Variants in ZNF638 observed in about 807,000 individuals in gnomAD.
The protein encoded by ZNF638 is zinc finger protein 638, also known as CTCL tumor antigen se33-1.
In ZNF638, 46 loss-of-function variants were observed where a neutral mutation model predicts 195.6. The ratio of observed to expected loss-of-function variants is 0.24; its 90% CI spans 0.19 to 0.30. The LOEUF is 0.30. ZNF638 is among the 10% of genes least tolerant of loss of function. The pLI, the probability that ZNF638 is intolerant of heterozygous loss-of-function variation, is 1.00. For missense variants in ZNF638, 2,440 were observed against 2,325.3 expected, an observed-to-expected ratio of 1.05 and a Z score of -1.01; for synonymous variants, 845 against 772.0, an observed-to-expected ratio of 1.09 and a Z score of -1.57.
intron 8 of ZNF638, among the ~76,000 whole-genome samples, chr2:71,374,255 A>G (rs2079376053): frequency 6.6e-6 from 1 of 152,256 alleles, no homozygotes; most frequent in African/African-American, 2.4e-5. Flanking sequence ...GGAGCCAGTT[A>G]GCCTCAACAC....
At chr2:71,332,995 A>AT (rs1182129552) in intron 1 of ZNF638, 1 of 152,042 alleles carries the variant, frequency 6.6e-6, no homozygotes, top group Admixed American at 6.6e-5. Flanking sequence ...GTAAAGGATT[A>AT]TTTTTTCAGG....
At chr2:71,335,263 ACTC>A (rs1348109211) in intron 1 of ZNF638, among the ~76,000 whole-genome samples, 2 of 151,852 alleles carry the variant, frequency 1.3e-5, no homozygotes, top group African/African-American at 4.8e-5. Context: ...CTGGTCTCAA[ACTC>A]CTGGACTCAA....
chr2:71,434,715 T>C (rs766848864), intron 27 of ZNF638, 27 bp from the exon 28 acceptor site: 2 of 1,587,188 alleles, frequency 1.3e-6, no homozygotes, highest in Admixed American at 3.4e-5. Flanking sequence ...CTAATAAGTA[T>C]TTTATATTGC....
At chr2:71,340,696 G>A (rs944521895) in intron 1 of ZNF638, among the ~76,000 whole-genome samples, 9 of 151,842 alleles carry the variant, frequency 5.9e-5, no homozygotes, top group East Asian at 1.9e-4. Context: ...TTTGGGGGGC[G>A]GATTTTGAAA....
chr2:71,419,917 A>G (rs887038328), intron 21 of ZNF638, among the ~76,000 whole-genome samples: 5 of 148,554 alleles, frequency 3.4e-5, no homozygotes, highest in African/African-American at 1.2e-4. Context: ...ATTCAACCTC[A>G]TAAAACTAAT....
chr2:71,378,898 T>G (rs2079484718), intron 8 of ZNF638, among the ~76,000 whole-genome samples: 1 of 151,890 alleles, frequency 6.6e-6, no homozygotes, highest in Non-Finnish European at 1.5e-5. Flanking sequence ...GGGGATGGAG[T>G]GAAGAAGTAT....
At chr2:71,417,252 G>A (rs1361411501) in intron 20 of ZNF638, among the ~76,000 whole-genome samples, 3 of 151,326 alleles carry the variant, frequency 2.0e-5, no homozygotes, top group East Asian at 3.9e-4. Flanking sequence ...AGGTGCGTCC[G>A]TCACCCCTTT....
chr2:71,369,335 A>AG (rs1416524403), intron 7 of ZNF638, among the ~76,000 whole-genome samples: 2 of 151,922 alleles, frequency 1.3e-5, no homozygotes, highest in Admixed American at 1.3e-4. Flanking sequence ...AAAAAAAAAA[A>AG]AAAAAAAGTT....
At position 71,434,792 on chromosome 2, in the gene ZNF638, A is replaced by G. The variant is rs768261513; in HGVS notation, c.5922A>G (p.Glu1974=). ...AAAAGGAGCAGAATGAGGCTGAAGAAAGAAGCTCTAGGTGATTGGGGGAAA... is the reference window on the plus strand; with the variant it reads ...AAAAGGAGCAGAATGAGGCTGAAGAGAGAAGCTCTAGGTGATTGGGGGAAA... ...RKEKEQNEAE[E]RSSR The change falls in exon 28 of 28, where the codon GAA becomes GAG. Residue 1974 remains glutamate, a synonymous_variant. Coordinates refer to ENST00000264447, the MANE Select transcript of ZNF638 (RefSeq NM_014497.5). The G allele has an allele frequency of 2.5e-6, 4 of 1,610,524 alleles. No homozygotes were observed. The highest frequency in any genetic ancestry group is 3.4e-6 in the Non-Finnish European group (4 of 1,179,028).
chr2:71,335,818 A>G (rs951568328), intron 1 of ZNF638, among the ~76,000 whole-genome samples: 1 of 152,234 alleles, frequency 6.6e-6, no homozygotes, highest in East Asian at 1.9e-4. Flanking sequence ...ATATTCAGAC[A>G]GATATCAAAT....
chr2:71,351,377 G>A (rs1273576190), intron 2 of ZNF638, among the ~76,000 whole-genome samples: 3 of 152,168 alleles, frequency 2.0e-5, no homozygotes, highest in Admixed American at 1.3e-4. Context: ...TTAGCCAGAT[G>A]TGCCAAATTC....
chr2:71,402,017 A>G lies in ZNF638; in HGVS notation c.2759A>G (p.Glu920Gly), dbSNP rs2080017038. ...SNLPNKGYSV[E>G]EVYDLAKPFG... ...TTGCCTAATAAAGGATATTCTGTAGAAGAAGTTTATGACTTAGCAAAACCA... is the reference window on the plus strand; with the variant it reads ...TTGCCTAATAAAGGATATTCTGTAGGAGAAGTTTATGACTTAGCAAAACCA... The change falls in exon 16 of 28, where the codon GAA (glutamate) becomes GGA (glycine). Residue 920 changes from glutamate (E) to glycine (G), a missense_variant. Glu to Gly is a moderately conservative substitution (Grantham distance 98). This residue lies in a region of ZNF638 where 1,883 missense variants were observed against 1,739.1 expected (regional missense o/e 1.08). Coordinates refer to ENST00000264447, the MANE Select transcript of ZNF638 (RefSeq NM_014497.5). 1.9e-6 allele frequency: 3 copies of G among 1,609,194 alleles called. No homozygotes were observed. The highest frequency in any genetic ancestry group is 2.5e-6 in the Non-Finnish European group (3 of 1,177,402).
At chr2:71,408,094 A>G (rs761886949) in intron 19 of ZNF638, 28 bp from the exon 20 acceptor site, 99 of 1,597,462 alleles carry the variant, frequency 6.2e-5, no homozygotes, top group Non-Finnish European at 7.6e-5. Context: ...TTAAAGAACT[A>G]TTCATAACTT....
At chr2:71,417,720 T>G (rs1294659734) in intron 20 of ZNF638, among the ~76,000 whole-genome samples, 2 of 151,836 alleles carry the variant, frequency 1.3e-5, no homozygotes, top group Admixed American at 6.6e-5. Context: ...TAGTAAACAC[T>G]CTCTGTAATT....
intron 1 of ZNF638, among the ~76,000 whole-genome samples, chr2:71,332,107 C>T (rs2078580785): frequency 6.6e-6 from 1 of 152,194 alleles, no homozygotes; most frequent in African/African-American, 2.4e-5. Flanking sequence ...ACTTCGCTAC[C>T]CGGGAGGGCC....
intron 27 of ZNF638, 86 bp downstream of exon 27, chr2:71,433,369 C>CA: frequency 1.0e-6 from 1 of 968,270 alleles, no homozygotes; most frequent in Non-Finnish European, 1.6e-6. Flanking sequence ...TACATTTCCC[C>CA]CCGCTTTAGG....
intron 2 of ZNF638, among the ~76,000 whole-genome samples, chr2:71,353,290 T>C (rs1458499967): frequency 6.6e-6 from 1 of 152,224 alleles, no homozygotes; most frequent in Non-Finnish European, 1.5e-5. Flanking sequence ...GAAACTTCCC[T>C]TGGTTTAGGA....
chr2:71,409,598 G>A (rs2152585678), intron 20 of ZNF638, among the ~76,000 whole-genome samples: 1 of 152,158 alleles, frequency 6.6e-6, no homozygotes, highest in South Asian at 2.1e-4. Context: ...TCTCAAAATG[G>A]CGCCACATTT....
chr2:71,352,492 A>T (rs1347487617), intron 2 of ZNF638, among the ~76,000 whole-genome samples: 1 of 46,594 alleles, frequency 2.1e-5, no homozygotes, highest in Non-Finnish European at 4.2e-5. Context: ...AAAATAAAAA[A>T]AATAAAAAAA....
Sources: allele counts gnomAD v4.1 joint callset (sites outside exome capture counted in the v4.1 genomes callset), GRCh38; gene constraint gnomAD v4.1.1; regional missense constraint gnomAD v4.1.1; transcripts MANE v1.5; gene names NCBI Gene and HGNC (gene_info 2026-07-23, HGNC 2026-07-21).